The following TTYH2 variants were observed in gnomAD, a reference collection of about 807,000 sequenced individuals.
The protein encoded by TTYH2 is tweety family member 2, also known as protein tweety homolog 2.
Under a neutral mutation model 68.3 loss-of-function variants are expected in TTYH2, and 49 were observed. That is an observed-to-expected ratio of 0.72 (90% CI 0.57 to 0.91). TTYH2 has a LOEUF of 0.91. TTYH2 is among the 40% of genes least tolerant of loss of function. The probability of loss-of-function intolerance (pLI) is 0.00; values close to 1 mark genes in which losing one functional copy is unlikely to be tolerated. For missense variants in TTYH2, 631 were observed against 700.4 expected, an observed-to-expected ratio of 0.90 and a Z score of 1.12; for synonymous variants, 272 against 300.8, an observed-to-expected ratio of 0.90 and a Z score of 0.99.
intron 5 of TTYH2, among the ~76,000 whole-genome samples, 173 bp downstream of exon 5, chr17:74,243,642 T>C (rs1401264037): frequency 1.3e-5 from 2 of 152,176 alleles, no homozygotes; most frequent in Admixed American, 1.3e-4. Context: ...AGCCACCAAC[T>C]CACCATCTGG....
At chr17:74,243,506 T>C (rs754736416) in intron 5 of TTYH2, 37 bp downstream of exon 5, 1 of 1,600,184 alleles carries the variant, frequency 6.2e-7, no homozygotes, top group Admixed American at 1.7e-5. Flanking sequence ...GACAAAGAGC[T>C]GGGCAGGATG....
chr17:74,249,195 A>T (rs1363348889), intron 7 of TTYH2, 115 bp downstream of exon 7: 6 of 1,565,928 alleles, frequency 3.8e-6, no homozygotes, highest in Non-Finnish European at 5.3e-6. Context: ...CTGAACTTCA[A>T]GTCCAGCTCA....
At chr17:74,219,386 T>TAAAAAAA (rs2050253463) in intron 1 of TTYH2, among the ~76,000 whole-genome samples, 1 of 107,662 alleles carries the variant, frequency 9.3e-6, no homozygotes, top group African/African-American at 1.5e-4. Flanking sequence ...AGACTCCGTG[T>TAAAAAAA]CAAAAAAAAA....
At chr17:74,216,490 G>A (rs2050222963) in intron 1 of TTYH2, among the ~76,000 whole-genome samples, 1 of 152,180 alleles carries the variant, frequency 6.6e-6, no homozygotes, top group African/African-American at 2.4e-5. Flanking sequence ...TCCTGAGCAA[G>A]TTCAGTGTTC....
rs5822029 is a variant in TTYH2, at chr17:74,215,170, C to CGTGTGTGTGTGTGT, written c.129+1475_129+1488dup. Among the ~76,000 whole-genome samples, 507 of 147,476 alleles carry CGTGTGTGTGTGTGT rather than the reference C, an allele frequency of 3.4e-3. 9 individuals carry two copies. The highest frequency in any genetic ancestry group is 0.011 in the African/African-American group (453 of 39,904). On this transcript the variant is annotated intron_variant, in intron 1 of 13. Coordinates refer to ENST00000269346, the MANE Select transcript of TTYH2 (RefSeq NM_032646.6). This position sits in a 1 kb window ranked among gnomAD's most constrained non-coding sequence, Gnocchi z 4.3. ...AGGCGGATATGATTTCAGAAACAGC[C>CGTGTGTGTGTGTGT]GTGTGTGTGTGTGTGTGTGTGTGTG...
Position 74,222,605 on chromosome 17 carries a change from C to T in TTYH2, c.250C>T (p.His84Tyr), listed in dbSNP as rs370075286. 3.1e-6 allele frequency: 5 copies of T among 1,611,864 alleles called. No individual in the cohort carries two copies. Among genetic ancestry groups the T allele is most frequent in the Non-Finnish European group, 4.2e-6 (5 of 1,179,982 alleles). ...RRDDAVQTKQ[H>Y]HSCCITWTAV... The stretch of plus-strand genomic sequence containing the variant: ...GGACGATGCGGTGCAGACCAAGCAG[C>T]ACCACTCCTGCTGCATCACCTGGAC... The change falls in exon 2 of 14, where the codon CAC becomes TAC. Residue 84 changes from histidine to tyrosine, a missense_variant. Physicochemically the swap from His to Tyr is moderately conservative, Grantham distance 83. Coordinates refer to ENST00000269346, the MANE Select transcript of TTYH2 (RefSeq NM_032646.6). This position sits in a 1 kb window ranked among gnomAD's most constrained non-coding sequence, Gnocchi z 5.2.
rs557336702 is a variant in TTYH2, at chr17:74,228,261, G to A, written c.303-2627G>A. ...AGCCTCCCAAAGTGCTAGGATTACAGGCATGAGCCACTGCGCCTGGTAGGA... is the reference window on the plus strand; with the variant it reads ...AGCCTCCCAAAGTGCTAGGATTACAAGCATGAGCCACTGCGCCTGGTAGGA... On this transcript the variant is annotated intron_variant, in intron 2 of 13. Transcript: ENST00000269346. Among the ~76,000 whole-genome samples, 10 of 152,286 alleles carry A rather than the reference G, an allele frequency of 6.6e-5. No homozygotes were observed. The East Asian group carries it at 1.9e-3, about 29-fold the overall frequency.
At position 74,253,784 on chromosome 17, in the gene TTYH2, C is replaced by G. The variant is rs748176961; in HGVS notation, c.1475C>G (p.Pro492Arg). 5.0e-6 allele frequency: 8 copies of G among 1,614,084 alleles called. No homozygotes were observed. Among genetic ancestry groups the G allele is most frequent in the Non-Finnish European group, 6.8e-6 (8 of 1,180,048 alleles). ...CAAGCCATGCTCTTTGGTAGGAACCCACGCTACGAGAACGTGCCACTAATC... is the reference window on the plus strand; with the variant it reads ...CAAGCCATGCTCTTTGGTAGGAACCGACGCTACGAGAACGTGCCACTAATC... ...MNQAMLFGRN[P>R]RYENVPLIGR... The change falls in exon 13 of 14, where the codon CCA (proline) becomes CGA (arginine). Residue 492 changes from proline to arginine, a missense_variant. Physicochemically the swap from Pro to Arg is moderately radical, Grantham distance 103. Coordinates refer to ENST00000269346, the MANE Select transcript of TTYH2 (RefSeq NM_032646.6).
chr17:74,236,143 C>G (rs2050440889), intron 3 of TTYH2, among the ~76,000 whole-genome samples: 2 of 152,294 alleles, frequency 1.3e-5, no homozygotes, highest in East Asian at 3.9e-4. Flanking sequence ...GCCTGTCTGC[C>G]CACCCAGCAG....
chr17:74,240,486 C>T lies in TTYH2; in HGVS notation c.636-2888C>T, dbSNP rs541472683. Among the ~76,000 whole-genome samples the T allele has an allele frequency of 3.9e-5, 6 of 151,950 alleles. No individual in the cohort carries two copies. In the South Asian group the frequency reaches 8.3e-4, roughly 21 times the overall value. ...TCTAGTCCAAGGTTGGCACCTATGGCGCCTGAACATCAGTGATATTCTACC... is the reference window on the plus strand; with the variant it reads ...TCTAGTCCAAGGTTGGCACCTATGGTGCCTGAACATCAGTGATATTCTACC... On this transcript the variant is annotated intron_variant, in intron 4 of 13. Coordinates refer to ENST00000269346, the MANE Select transcript of TTYH2 (RefSeq NM_032646.6).
intron 2 of TTYH2, among the ~76,000 whole-genome samples, chr17:74,224,907 G>T (rs2050314338): frequency 1.3e-5 from 2 of 151,990 alleles, no homozygotes; most frequent in Non-Finnish European, 2.9e-5. Flanking sequence ...GCTGAGGCAG[G>T]AGTATCATTT....
chr17:74,220,875 C>T (rs2050269244), intron 1 of TTYH2, among the ~76,000 whole-genome samples: 1 of 152,160 alleles, frequency 6.6e-6, no homozygotes, highest in South Asian at 2.1e-4. Context: ...CAGCCTCAAC[C>T]TCCCAGTCTC....
chr17:74,245,891 C>A (rs947960828), intron 6 of TTYH2, among the ~76,000 whole-genome samples: 2 of 151,904 alleles, frequency 1.3e-5, no homozygotes, highest in Non-Finnish European at 2.9e-5. Flanking sequence ...CCCTTCCCCA[C>A]CCCCGACCCC....
chr17:74,248,748 T>A (rs1429312490), intron 6 of TTYH2: 14 of 1,378,582 alleles, frequency 1.0e-5, no homozygotes, highest in Non-Finnish European at 1.3e-5. Flanking sequence ...CTGAGCACTT[T>A]ACTTGCATTG....
chr17:74,253,885 C>G (rs1189670048), intron 13 of TTYH2, 52 bp downstream of exon 13: 1 of 1,560,278 alleles, frequency 6.4e-7, no homozygotes, highest in East Asian at 2.2e-5. Context: ...AAGACAAAAC[C>G]TCCTGCCAAC....
rs559858330 is a variant in TTYH2 at position 74,222,736 on chromosome 17, C to T, written c.302+79C>T. 2.6e-5 allele frequency: 37 copies of T among 1,416,240 alleles called. No individual in the cohort carries two copies. Among genetic ancestry groups the T allele is most frequent in the Admixed American group, 2.0e-4 (8 of 40,766 alleles). 87.7% of individuals were successfully genotyped at this position (1,416,240 alleles called of 1,614,324 possible). A position where few individuals can be genotyped will look rare whatever the true frequency, so the allele number is the denominator to read the frequency against. Reference sequence around the variant, plus strand: ...CAGGGACTGTTTGACCATGTTCTGACGGAGCTCCAGCTACCTTGATGGAAA... The same window carrying T: ...CAGGGACTGTTTGACCATGTTCTGATGGAGCTCCAGCTACCTTGATGGAAA... On this transcript the variant is annotated intron_variant, in intron 2 of 13. Coordinates refer to ENST00000269346, the MANE Select transcript of TTYH2 (RefSeq NM_032646.6). The surrounding 1 kb of genome is among the most constrained non-coding windows in gnomAD (Gnocchi z 5.2).
rs2050197508 is a variant in TTYH2, at chr17:74,213,994, G to A, written c.129+278G>A. On this transcript the variant is annotated intron_variant, in intron 1 of 13. Coordinates refer to ENST00000269346, the MANE Select transcript of TTYH2 (RefSeq NM_032646.6). This position sits in a 1 kb window ranked among gnomAD's most constrained non-coding sequence, Gnocchi z 6.1. The stretch of plus-strand genomic sequence containing the variant: ...AAGGGCGCAAGACCGCCTGCGGGGT[G>A]AGGGGCTGAACGCTGAGCGGGCAGG... 6.6e-6 allele frequency among the ~76,000 whole-genome samples: 1 copy of A among 152,072 alleles called. No homozygotes were observed. The highest frequency in any genetic ancestry group is 2.4e-5 in the African/African-American group (1 of 41,410).
intron 3 of TTYH2, among the ~76,000 whole-genome samples, chr17:74,233,538 C>T (rs1299896141): frequency 5.3e-5 from 8 of 152,144 alleles, no homozygotes; most frequent in African/African-American, 1.7e-4. Flanking sequence ...GGGGACTCGT[C>T]GACAGGTCAG....
chr17:74,244,689 TTCACTCAGC>T (rs1364838230), intron 6 of TTYH2, among the ~76,000 whole-genome samples: 1 of 152,202 alleles, frequency 6.6e-6, no homozygotes, highest in Non-Finnish European at 1.5e-5. Flanking sequence ...AGGCTGTTCA[TTCACTCAGC>T]TGACATTGTT....
Sources: gnomAD v4.1 joint callset for allele counts (sites outside exome capture counted in the v4.1 genomes callset) on GRCh38, gnomAD v4.1.1 for gene constraint, Gnocchi (gnomAD v3.1) non-coding constraint, MANE v1.5 for transcripts, NCBI Gene and HGNC (gene_info 2026-07-23, HGNC 2026-07-21) for gene names.